Variants in SULT1E1 observed in about 807,000 individuals in gnomAD.
SULT1E1 encodes the protein sulfotransferase family 1E member 1.
Under a neutral mutation model 33.6 loss-of-function variants are expected in SULT1E1, and 36 were observed. The observed-to-expected ratio is 1.07, with a 90% confidence interval of 0.82 to 1.41. SULT1E1 has a LOEUF of 1.41. Among genes scored for constraint, SULT1E1 ranks in the 40% most tolerant of loss-of-function variants. The probability of loss-of-function intolerance (pLI) is 0.00; values close to 1 mark genes in which losing one functional copy is unlikely to be tolerated. For missense variants in SULT1E1, 371 were observed against 345.7 expected, an observed-to-expected ratio of 1.07 and a Z score of -0.58; for synonymous variants, 121 against 111.7, an observed-to-expected ratio of 1.08 and a Z score of -0.53.
intron 6 of SULT1E1, among the ~76,000 whole-genome samples, chr4:69,847,007 A>T (rs1025254553): frequency 4.6e-5 from 7 of 151,680 alleles, no homozygotes; most frequent in Non-Finnish European, 1.0e-4. Context: ...TACCAAAAAC[A>T]TTTTTATTTT....
At chr4:69,856,961 A>AGAT (rs1721254556) in intron 2 of SULT1E1, among the ~76,000 whole-genome samples, 1 of 148,716 alleles carries the variant, frequency 6.7e-6, no homozygotes, top group African/African-American at 2.5e-5. Flanking sequence ...AAAAAAAAAA[A>AGAT]GATAACTAAG....
the SULT1E1 span, among the ~76,000 whole-genome samples, chr4:69,827,650 G>T: frequency 6.6e-6 from 1 of 152,102 alleles, no homozygotes; most frequent in Non-Finnish European, 1.5e-5. Flanking sequence ...CTCCAAAAGC[G>T]AGCCCTGGGC....
chr4:69,843,852 G>A (rs543976111), intron 7 of SULT1E1, among the ~76,000 whole-genome samples: 5 of 152,282 alleles, frequency 3.3e-5, no homozygotes, highest in African/African-American at 9.6e-5. Context: ...GGAACTATAT[G>A]ATACATGTTG....
the SULT1E1 span, among the ~76,000 whole-genome samples, chr4:69,826,414 C>T: frequency 2.0e-4 from 31 of 152,058 alleles, no homozygotes; most frequent in Admixed American, 1.2e-3. Flanking sequence ...TCCAACATTC[C>T]TCGGTCCTCC....
At chr4:69,838,477 C>A (rs1478864144), downstream of SULT1E1, 1 of 152,170 alleles carries the variant, frequency 6.6e-6, no homozygotes, top group Non-Finnish European at 1.5e-5. Context: ...CTTTTCAAGT[C>A]TTCTGGCTTA....
At chr4:69,835,097 T>G in the SULT1E1 span, among the ~76,000 whole-genome samples, 6,497 of 152,296 alleles carry the variant, frequency 0.043, 187 homozygotes, top group Middle Eastern at 0.11. Context: ...TATATTACCC[T>G]AAACTCTTTT....
At chr4:69,845,086 A>G (rs992801073) in intron 6 of SULT1E1, among the ~76,000 whole-genome samples, 3 of 152,016 alleles carry the variant, frequency 2.0e-5, no homozygotes, top group Non-Finnish European at 4.4e-5. Flanking sequence ...TTTTGCTCCC[A>G]TAATTGTTTA....
At chr4:69,854,585 C>T (rs1204758857) in intron 3 of SULT1E1, among the ~76,000 whole-genome samples, 1 of 151,602 alleles carries the variant, frequency 6.6e-6, no homozygotes, top group African/African-American at 2.4e-5. Flanking sequence ...TTAAAAGATT[C>T]TATATTGTGT....
At chr4:69,825,598 C>T in the SULT1E1 span, among the ~76,000 whole-genome samples, 7 of 152,242 alleles carry the variant, frequency 4.6e-5, no homozygotes, top group Admixed American at 1.3e-4. Context: ...TAACAATCCC[C>T]GACTCTCGGA....
At chr4:69,855,181 G>T in intron 3 of SULT1E1, 120 bp downstream of exon 3, 1 of 1,012,148 alleles carries the variant, frequency 9.9e-7, no homozygotes, top group Non-Finnish European at 1.4e-6. Context: ...TTTATATGCT[G>T]TCTTATGTAG....
the SULT1E1 span, among the ~76,000 whole-genome samples, chr4:69,824,389 G>A: frequency 6.6e-6 from 1 of 152,170 alleles, no homozygotes; most frequent in African/African-American, 2.4e-5. Flanking sequence ...GTTAGATCTG[G>A]CAGCCCTAAA....
rs1438726969 is a variant in SULT1E1 at position 69,849,554 on chromosome 4, G to C, written c.379C>G (p.Leu127Val). The stretch of plus-strand genomic sequence containing the variant: ...GCCACATCCTTTGCATTCCGGCAAA[G>C]ATAGATTATCTAAGAGGATGAAATT... Reference protein sequence around the residue: ...FWEKDCKIIYLCRNAKDVAVS... With the variant: ...FWEKDCKIIYVCRNAKDVAVS... Residue 127 changes from leucine (L) to valine (V), a missense_variant, in exon 5 of 8, where the codon CTT becomes GTT. Leu to Val is a conservative substitution (Grantham distance 32). Transcript: ENST00000226444. 9 of 1,604,892 alleles carry C rather than the reference G, an allele frequency of 5.6e-6. No homozygotes were observed. The highest frequency in any genetic ancestry group is 7.7e-6 in the Non-Finnish European group (9 of 1,176,082).
chr4:69,839,731 C>T (rs1182470094), downstream of SULT1E1, among the ~76,000 whole-genome samples: 1 of 152,162 alleles, frequency 6.6e-6, no homozygotes, highest in Non-Finnish European at 1.5e-5. Context: ...TTCATTGTCT[C>T]CAGTCCATAT....
intron 6 of SULT1E1, among the ~76,000 whole-genome samples, chr4:69,845,687 T>C (rs1197979945): frequency 6.6e-6 from 1 of 151,438 alleles, no homozygotes; most frequent in Non-Finnish European, 1.5e-5. Flanking sequence ...AATTCAAATA[T>C]AGAGGAAACC....
chr4:69,856,935 C>CAAAAAAAAAAAAAAAAA (rs11464421), intron 2 of SULT1E1, among the ~76,000 whole-genome samples: 1 of 59,230 alleles, frequency 1.7e-5, no homozygotes, highest in Non-Finnish European at 2.7e-5. Context: ...GACTCCGTCT[C>CAAAAAAAAAAAAAAAAA]AAAAAAAAAA....
intron 4 of SULT1E1, among the ~76,000 whole-genome samples, chr4:69,850,234 T>C (rs1721074042): frequency 6.6e-6 from 1 of 152,074 alleles, no homozygotes; most frequent in South Asian, 2.1e-4. Context: ...CTAAATGTTT[T>C]CTTTACTAAA....
intron 7 of SULT1E1, 150 bp downstream of exon 7, chr4:69,844,011 G>GT: frequency 1.5e-6 from 1 of 682,642 alleles, no homozygotes; most frequent in Middle Eastern, 3.3e-4. Flanking sequence ...TAATAGAAGT[G>GT]TAACTTAAAG....
At chr4:69,822,272 A>G in the SULT1E1 span, among the ~76,000 whole-genome samples, 1 of 152,196 alleles carries the variant, frequency 6.6e-6, no homozygotes, top group African/African-American at 2.4e-5. Flanking sequence ...ACAGGTAAAG[A>G]TACTGAGGCT....
At chr4:69,834,011 C>G in the SULT1E1 span, among the ~76,000 whole-genome samples, 1 of 152,118 alleles carries the variant, frequency 6.6e-6, no homozygotes, top group South Asian at 2.1e-4. Context: ...TTTAGTTGTA[C>G]CAGTTTCTTC....
Sources: gnomAD v4.1 joint callset for allele counts (sites outside exome capture counted in the v4.1 genomes callset) on GRCh38, gnomAD v4.1.1 for gene constraint, MANE v1.5 for transcripts, NCBI Gene and HGNC (gene_info 2026-07-23, HGNC 2026-07-21) for gene names.